Variants in ANO5 observed in about 807,000 individuals in gnomAD.
ANO5 encodes the protein anoctamin-5.
In ANO5, 109 loss-of-function variants were observed where a neutral mutation model predicts 121.0. The ratio of observed to expected loss-of-function variants is 0.90; its 90% CI spans 0.77 to 1.06. The LOEUF (loss-of-function observed/expected upper bound fraction) is 1.06. Among genes scored for constraint, ANO5 ranks in the 50% least tolerant of loss-of-function variants. The probability of loss-of-function intolerance (pLI) is 0.00; values close to 1 mark genes in which losing one functional copy is unlikely to be tolerated. For synonymous variants in ANO5, 406 were observed against 359.9 expected (o/e 1.13, Z -1.45); for missense variants, 1,064 against 1,078.5 (o/e 0.99, Z 0.19).
rs755669996 is a variant in ANO5, at chr11:22,250,970, A to G, written c.1139A>G (p.Asn380Ser). ...LASKFSHLFD[N>S]ESTVFFAIFM... ...TTACAGTTCTCCCATTTGTTTGATAATGAGTCAACAGTGTTCTTTGCAATA... is the reference window on the plus strand; with the variant it reads ...TTACAGTTCTCCCATTTGTTTGATAGTGAGTCAACAGTGTTCTTTGCAATA... Residue 380 changes from asparagine to serine, a missense_variant, in exon 12 of 22, where the codon AAT (asparagine) becomes AGT (serine). By Grantham distance (46) the Asn-to-Ser change is conservative. Transcript: ENST00000324559. The G allele has an allele frequency of 1.2e-6, 2 of 1,612,622 alleles. No individual in the cohort carries two copies. The highest frequency in any genetic ancestry group is 1.1e-5 in the South Asian group (1 of 91,048).
Position 22,270,462 on chromosome 11 carries a change from T to C in ANO5, c.2029+20T>C. The C allele has an allele frequency of 6.2e-7, 1 of 1,613,794 alleles. No homozygotes were observed. Among genetic ancestry groups the C allele is most frequent in the South Asian group, 1.1e-5 (1 of 91,074 alleles). On this transcript the variant is annotated intron_variant, in intron 18 of 21. Coordinates refer to ENST00000324559, the MANE Select transcript of ANO5 (RefSeq NM_213599.3). ...AAACAGGTAATTTTTAACCACTGTT[T>C]TGAAACATAGAGTTGGCATGAATGA...
Position 22,255,522 on chromosome 11 carries a change from G to A in ANO5, c.1332G>A (p.Lys444=), listed in dbSNP as rs550454492. 1 of 1,612,806 alleles carries A rather than the reference G, an allele frequency of 6.2e-7. No homozygotes were observed. The highest frequency in any genetic ancestry group is 2.2e-5 in the East Asian group (1 of 44,840). ...ACAGGAAATTGAATGCAGTGACTAAGGTAGACTAGAAAACTGTGAAACGGA... is the reference window on the plus strand; with the variant it reads ...ACAGGAAATTGAATGCAGTGACTAAAGTAGACTAGAAAACTGTGAAACGGA... ...CKHRKLNAVT[K]EMEPYMPLYT... Residue 444 remains lysine, a splice_region_variant and synonymous_variant, in exon 13 of 22, where the codon AAG becomes AAA. Transcript: ENST00000324559.
Position 22,218,260 on chromosome 11 carries a change from C to G in ANO5, c.153C>G (p.Phe51Leu). Residue 51 changes from phenylalanine (F) to leucine (L), a missense_variant, in exon 4 of 22, where the codon TTC (phenylalanine) becomes TTG (leucine). By Grantham distance (22) the Phe-to-Leu change is conservative. Coordinates refer to ENST00000324559, the MANE Select transcript of ANO5 (RefSeq NM_213599.3). The part of the protein sequence containing the change: ...INEETMPAKR[F>L]NLFLRRRLMF... ...TTGCTTCACAGCCTGCAAAGCGATTCAATTTGTTCCTGAGGCGGCGGCTTA... is the reference window on the plus strand; with the variant it reads ...TTGCTTCACAGCCTGCAAAGCGATTGAATTTGTTCCTGAGGCGGCGGCTTA... 6.2e-7 allele frequency: 1 copy of G among 1,613,376 alleles called. No homozygotes were observed.
intron 3 of ANO5, among the ~76,000 whole-genome samples, chr11:22,216,662 G>C (rs1421911569): frequency 6.6e-6 from 1 of 151,752 alleles, no homozygotes; most frequent in Non-Finnish European, 1.5e-5. Flanking sequence ...TTTACATAGT[G>C]TTTTTAGAAA....
chr11:22,251,041 T>C, intron 12 of ANO5, 30 bp downstream of exon 12: 1 of 1,573,822 alleles, frequency 6.4e-7, no homozygotes, highest in Non-Finnish European at 8.7e-7. Context: ...AAGAAACAGC[T>C]TTCTTCCTAT....
chr11:22,240,974 CATTT>C (rs1853410527), intron 9 of ANO5, among the ~76,000 whole-genome samples: 1 of 151,698 alleles, frequency 6.6e-6, no homozygotes, highest in Non-Finnish European at 1.5e-5. Flanking sequence ...TTTCATAATT[CATTT>C]ATTTGTTTTT....
intron 15 of ANO5, among the ~76,000 whole-genome samples, chr11:22,260,009 C>T (rs867542098): frequency 1.3e-5 from 2 of 150,208 alleles, no homozygotes; most frequent in African/African-American, 2.4e-5. Flanking sequence ...TCTTAATTCT[C>T]CCTTGATGGG....
rs1449052435 is a variant in ANO5 at position 22,239,452 on chromosome 11, T to TATGAATATG, written c.763-116_763-115insTGAATATGA. ...TTTCACATCAATTGAATATGAAATCTAAAAGTAAAAGAAAACATACCCTTG... is the reference window on the plus strand; with the variant it reads ...TTTCACATCAATTGAATATGAAATCTATGAATATGAAAAGTAAAAGAAAACATACCCTTG... On this transcript the variant is annotated intron_variant, in intron 8 of 21. Coordinates refer to ENST00000324559, the MANE Select transcript of ANO5 (RefSeq NM_213599.3). 6.8e-6 allele frequency: 5 copies of TATGAATATG among 739,948 alleles called. No homozygotes were observed. In the African/African-American group the frequency reaches 8.7e-5, roughly 13 times the overall value. 45.8% of individuals were successfully genotyped at this position (739,948 alleles called of 1,614,324 possible).
intron 15 of ANO5, among the ~76,000 whole-genome samples, chr11:22,260,338 AAGTTAGC>A (rs1854151514): frequency 6.6e-6 from 1 of 152,126 alleles, no homozygotes; most frequent in African/African-American, 2.4e-5. Context: ...TTTTCCTGGC[AAGTTAGC>A]AGTAAGATCG....
chr11:22,274,571 C>T lies in ANO5; in HGVS notation c.2238C>T (p.Ala746=), dbSNP rs781715511. ...GMAVLSVATN[A]FIVAFTSDII... is the part of the protein sequence containing the mutation. Reference sequence around the variant, plus strand: ...CTCTTTTTTTTTTTATTCTTCAGGCCTTTATTGTTGCATTTACGTCAGACA... The same window carrying T: ...CTCTTTTTTTTTTTATTCTTCAGGCTTTTATTGTTGCATTTACGTCAGACA... Residue 746 remains alanine, a splice_region_variant and synonymous_variant, in exon 20 of 22, where the codon GCC becomes GCT. Coordinates refer to ENST00000324559, the MANE Select transcript of ANO5 (RefSeq NM_213599.3). 1.9e-6 allele frequency: 3 copies of T among 1,589,672 alleles called. No homozygotes were observed.
intron 9 of ANO5, among the ~76,000 whole-genome samples, chr11:22,242,227 G>A (rs992886394): frequency 6.6e-6 from 1 of 151,960 alleles, no homozygotes; most frequent in African/African-American, 2.4e-5. Context: ...TGCTTTCTCT[G>A]TTTAGTTCCA....
intron 1 of ANO5, 149 bp from the exon 2 acceptor site, chr11:22,203,655 G>T (rs758438152): frequency 3.6e-6 from 2 of 554,436 alleles, no homozygotes; most frequent in Non-Finnish European, 6.5e-6. Flanking sequence ...AAACAATTTA[G>T]CTCCGAATCA....
rs1334854466 is a variant in ANO5 at position 22,250,942 on chromosome 11, T to C, written c.1120-9T>C. On this transcript the variant is annotated splice_polypyrimidine_tract_variant and intron_variant, in intron 11 of 21. Coordinates refer to ENST00000324559, the MANE Select transcript of ANO5 (RefSeq NM_213599.3). Reference sequence around the variant, plus strand: ...TATCTTTGTGATATTGTTATTGTTATTTTTACAGTTCTCCCATTTGTTTGA... The same window carrying C: ...TATCTTTGTGATATTGTTATTGTTACTTTTACAGTTCTCCCATTTGTTTGA... 1.2e-6 allele frequency: 2 copies of C among 1,611,998 alleles called. No homozygotes were observed. Among genetic ancestry groups the C allele is most frequent in the African/African-American group, 1.3e-5 (1 of 74,902 alleles).
chr11:22,199,708 G>C (rs955759277), intron 1 of ANO5, among the ~76,000 whole-genome samples: 10 of 151,956 alleles, frequency 6.6e-5, no homozygotes, highest in African/African-American at 2.4e-4. Flanking sequence ...ATAAAATATA[G>C]GTATTCTCGT....
chr11:22,220,540 C>A (rs1199608715), intron 4 of ANO5, among the ~76,000 whole-genome samples: 1 of 152,018 alleles, frequency 6.6e-6, no homozygotes, highest in Non-Finnish European at 1.5e-5. Context: ...GGGCGAGTTG[C>A]ATGAAACCTA....
rs1855025589 is a variant in ANO5 at position 22,280,024 on chromosome 11, A to C, written c.*259A>C. On this transcript the variant is annotated 3_prime_UTR_variant, in exon 22 of 22. Coordinates refer to ENST00000324559, the MANE Select transcript of ANO5 (RefSeq NM_213599.3). ...TGCTGTAAATGACTGTTGAAAGTGC[A>C]GGTAGAATCAGAATACTGGGAAATT... The C allele has an allele frequency of 1.3e-5, 6 of 455,530 alleles. No homozygotes were observed. Among genetic ancestry groups the C allele is most frequent in the Admixed American group, 7.7e-5 (2 of 25,844 alleles). The allele number at this position is 455,530 out of a possible 1,614,324, so 28.2% of individuals were successfully genotyped here. A position where few individuals can be genotyped will look rare whatever the true frequency, so the allele number is the denominator to read the frequency against.
chr11:22,269,083 A>C (rs1396197122), intron 17 of ANO5, among the ~76,000 whole-genome samples: 1 of 150,486 alleles, frequency 6.6e-6, no homozygotes, highest in African/African-American at 2.4e-5. Flanking sequence ...GAGGGAAGGA[A>C]GGACGGAAGG....
chr11:22,195,825 T>C (rs1378070613), intron 1 of ANO5, among the ~76,000 whole-genome samples: 1 of 152,150 alleles, frequency 6.6e-6, no homozygotes, highest in Non-Finnish European at 1.5e-5. Flanking sequence ...GTGAGAGAAA[T>C]AGATATTGAT....
chr11:22,213,380 A>G (rs1005834329), intron 3 of ANO5, among the ~76,000 whole-genome samples: 3 of 151,070 alleles, frequency 2.0e-5, no homozygotes, highest in African/African-American at 7.3e-5. Context: ...TATATCCTTC[A>G]CAGCTTTGAG....
Sources: allele counts gnomAD v4.1 joint callset (sites outside exome capture counted in the v4.1 genomes callset), GRCh38; gene constraint gnomAD v4.1.1; transcripts MANE v1.5; gene names NCBI Gene and HGNC (gene_info 2026-07-23, HGNC 2026-07-21).